The following NMBR variants were observed in gnomAD, a reference collection of about 807,000 sequenced individuals.
NMBR encodes neuromedin-B receptor.
Under a neutral mutation model 20.5 loss-of-function variants are expected in NMBR, and 16 were observed. The observed-to-expected ratio is 0.78, with a 90% CI of 0.53 to 1.19. NMBR has a LOEUF of 1.19. Ranked by LOEUF, NMBR falls within the 50% of genes most tolerant of loss-of-function variation. NMBR has a pLI of 0.00. For missense variants in NMBR, 582 were observed against 499.1 expected (o/e 1.17, Z -1.58); for synonymous variants, 212 against 196.6 (o/e 1.08, Z -0.65).
intron 1 of NMBR, among the ~76,000 whole-genome samples, chr6:142,139,603 T>C (rs1037639847): frequency 2.0e-5 from 3 of 152,180 alleles, no homozygotes; most frequent in African/African-American, 7.2e-5. Context: ...GGTGGAAGGA[T>C]GGCATCTCTA....
chr6:142,095,786 CT>C (rs967631335), intron 1 of NMBR, among the ~76,000 whole-genome samples: 3 of 152,036 alleles, frequency 2.0e-5, no homozygotes, highest in Non-Finnish European at 2.9e-5. Context: ...TGGTCCTGGA[CT>C]TTTTTTGGTT....
At chr6:142,107,065 G>C (rs903907135) in intron 1 of NMBR, among the ~76,000 whole-genome samples, 6 of 152,088 alleles carry the variant, frequency 3.9e-5, no homozygotes, top group Non-Finnish European at 7.4e-5. Flanking sequence ...CTAGAATTAC[G>C]AGTTCAGGGC....
At chr6:142,141,790 A>C (rs561602437) in intron 1 of NMBR, among the ~76,000 whole-genome samples, 1 of 152,320 alleles carries the variant, frequency 6.6e-6, no homozygotes, top group Non-Finnish European at 1.5e-5. Context: ...GGCATGAGCC[A>C]CCACGCCCGG....
At chr6:142,139,742 T>A (rs1248609629) in intron 1 of NMBR, among the ~76,000 whole-genome samples, 1 of 152,212 alleles carries the variant, frequency 6.6e-6, no homozygotes, top group Non-Finnish European at 1.5e-5. Context: ...CGACCTACTA[T>A]GATTTCATTT....
intron 1 of NMBR, among the ~76,000 whole-genome samples, chr6:142,125,541 GC>G (rs2114601813): frequency 6.6e-6 from 1 of 150,386 alleles, no homozygotes; most frequent in African/African-American, 2.5e-5. Flanking sequence ...TTTTATGTAA[GC>G]CCCATGGAGG....
chr6:142,093,583 T>C (rs147369047), intron 1 of NMBR, among the ~76,000 whole-genome samples: 3,082 of 152,192 alleles, frequency 0.02, 114 homozygotes, highest in African/African-American at 0.069. Context: ...TCCAAGTCTT[T>C]GCCATTGTGA....
intron 1 of NMBR, chr6:142,134,731 A>C (rs1323843000): frequency 1.4e-6 from 1 of 691,426 alleles, no homozygotes; most frequent in African/African-American, 1.8e-5. Flanking sequence ...TTTCCAAGTA[A>C]AATCTCTTTA....
intron 1 of NMBR, among the ~76,000 whole-genome samples, chr6:142,114,779 T>C (rs1482917961): frequency 6.6e-6 from 1 of 152,148 alleles, no homozygotes; most frequent in African/African-American, 2.4e-5. Flanking sequence ...GTCAATGCAA[T>C]TTAATGATTA....
At chr6:142,125,090 T>C (rs1220586469) in intron 1 of NMBR, among the ~76,000 whole-genome samples, 9 of 151,888 alleles carry the variant, frequency 5.9e-5, no homozygotes, top group Non-Finnish European at 1.3e-4. Context: ...GTGAATTGGC[T>C]AAGGGTTGTG....
chr6:142,075,031 T>G lies in NMBR; in HGVS notation c.*617A>C, dbSNP rs1299290527. On this transcript the variant is annotated 3_prime_UTR_variant, in exon 4 of 4. Coordinates refer to ENST00000258042, the MANE Select transcript of NMBR (RefSeq NM_002511.4). ...ACAATAAATACCAATTTGATTAAGC[T>G]CCACCTTTGAATTTTTTCTTATTTT... Among the ~76,000 whole-genome samples the G allele has an allele frequency of 6.6e-6, 1 of 151,994 alleles. No individual in the cohort carries two copies. Among genetic ancestry groups the G allele is most frequent in the African/African-American group, 2.4e-5 (1 of 41,382 alleles).
At chr6:142,135,727 T>C (rs1414502347) in intron 1 of NMBR, among the ~76,000 whole-genome samples, 1 of 151,350 alleles carries the variant, frequency 6.6e-6, no homozygotes, top group African/African-American at 2.4e-5. Flanking sequence ...TTCCCATCTA[T>C]GAGTGAGAAC....
chr6:142,083,978 C>T (rs1378046371), intron 2 of NMBR, among the ~76,000 whole-genome samples: 1 of 152,172 alleles, frequency 6.6e-6, no homozygotes, highest in East Asian at 1.9e-4. Flanking sequence ...TGGTGCCAAT[C>T]TCACTACCAA....
At chr6:142,083,353 C>T (rs565602238) in intron 2 of NMBR, among the ~76,000 whole-genome samples, 102 of 152,306 alleles carry the variant, frequency 6.7e-4, no homozygotes, top group African/African-American at 2.3e-3. Context: ...TCAGAAAAAC[C>T]TATGACTCAC....
intron 1 of NMBR, among the ~76,000 whole-genome samples, 116 bp downstream of exon 1, chr6:142,146,928 T>C (rs886691488): frequency 3.3e-5 from 5 of 152,268 alleles, no homozygotes; most frequent in African/African-American, 1.2e-4. Flanking sequence ...CTCGCCTTTA[T>C]ACTTTCTCCC....
chr6:142,145,109 G>A (rs1317529888), intron 1 of NMBR, among the ~76,000 whole-genome samples: 1 of 151,732 alleles, frequency 6.6e-6, no homozygotes, highest in Non-Finnish European at 1.5e-5. Context: ...AGATCAGAGA[G>A]TAAAATCCAA....
chr6:142,136,782 G>T (rs1013188646), intron 1 of NMBR, among the ~76,000 whole-genome samples: 1 of 152,132 alleles, frequency 6.6e-6, no homozygotes, highest in Non-Finnish European at 1.5e-5. Context: ...TTTTTCTCAG[G>T]TTTGTCAAAG....
At chr6:142,112,437 A>G (rs1345462222) in intron 1 of NMBR, among the ~76,000 whole-genome samples, 3 of 132,244 alleles carry the variant, frequency 2.3e-5, no homozygotes, top group Admixed American at 7.3e-5. Flanking sequence ...TATGAAGTAG[A>G]CAAGAAACAA....
intron 1 of NMBR, among the ~76,000 whole-genome samples, chr6:142,106,328 C>A (rs1777661537): frequency 6.6e-6 from 1 of 151,968 alleles, no homozygotes; most frequent in Admixed American, 6.6e-5. Context: ...GTACTGAGAA[C>A]TTGTCTTGTC....
chr6:142,110,905 A>G (rs928928895), intron 1 of NMBR, among the ~76,000 whole-genome samples: 4 of 152,166 alleles, frequency 2.6e-5, no homozygotes, highest in African/African-American at 9.7e-5. Flanking sequence ...AGTGTCTTTA[A>G]TAGCTTTGAT....
Sources: allele counts gnomAD v4.1 joint callset (sites outside exome capture counted in the v4.1 genomes callset), GRCh38; gene constraint gnomAD v4.1.1; transcripts MANE v1.5; gene names NCBI Gene and HGNC (gene_info 2026-07-23, HGNC 2026-07-21).